Variants in KAZN observed in about 807,000 individuals in gnomAD.
KAZN encodes kazrin, periplakin interacting protein.
In KAZN, 40 loss-of-function variants were observed where a neutral mutation model predicts 87.4. The ratio of observed to expected loss-of-function variants is 0.46; its 90% CI spans 0.36 to 0.60. The LOEUF (loss-of-function observed/expected upper bound fraction) is 0.60, where lower values mean the gene tolerates loss of function less well. KAZN is among the 20% of genes least tolerant of loss of function. The pLI is 0.00. For missense variants in KAZN, 898 were observed against 1,073.9 expected (o/e 0.84, Z 2.29); for synonymous variants, 466 against 458.3 (o/e 1.02, Z -0.22).
chr1:13,944,311 T>A (rs1641052648), intron 1 of KAZN, among the ~76,000 whole-genome samples: 1 of 152,222 alleles, frequency 6.6e-6, no homozygotes, highest in African/African-American at 2.4e-5. Context: ...CTATGATATA[T>A]CCAGAAAAGG....
intron 8 of KAZN, among the ~76,000 whole-genome samples, chr1:15,072,265 C>G (rs576277920): frequency 6.6e-6 from 1 of 152,326 alleles, no homozygotes; most frequent in African/African-American, 2.4e-5. Flanking sequence ...ACATCTTGAG[C>G]CTGACAGTGC....
At chr1:14,037,651 G>A (rs1352445564) in intron 1 of KAZN, among the ~76,000 whole-genome samples, 3 of 152,204 alleles carry the variant, frequency 2.0e-5, no homozygotes, top group Non-Finnish European at 4.4e-5. Flanking sequence ...CTCCAGCACA[G>A]AAGCAGCTGT....
chr1:14,694,687 A>G (rs191801048), intron 1 of KAZN, among the ~76,000 whole-genome samples: 34 of 152,256 alleles, frequency 2.2e-4, no homozygotes, highest in Admixed American at 4.6e-4. Context: ...TGCTACTTAT[A>G]GGCTGGGCGA....
At chr1:15,026,224 C>T (rs966932954) in intron 2 of KAZN, among the ~76,000 whole-genome samples, 1 of 152,046 alleles carries the variant, frequency 6.6e-6, no homozygotes, top group Non-Finnish European at 1.5e-5. Context: ...CTGGGAGCCA[C>T]GGGGAGCTGG....
intron 2 of KAZN, among the ~76,000 whole-genome samples, chr1:14,570,640 C>T (rs940701342): frequency 3.9e-5 from 6 of 152,148 alleles, no homozygotes; most frequent in Non-Finnish European, 7.4e-5. Context: ...AGTTGATGAA[C>T]GTTTGGAATG....
At chr1:15,095,739 G>C (rs1186984759) in intron 10 of KAZN, among the ~76,000 whole-genome samples, 6 of 152,134 alleles carry the variant, frequency 3.9e-5, no homozygotes, top group Non-Finnish European at 8.8e-5. Flanking sequence ...AATCAAACCT[G>C]GTGGTGTGTG....
intron 2 of KAZN, among the ~76,000 whole-genome samples, chr1:14,300,009 T>C (rs1232879838): frequency 3.9e-5 from 6 of 151,980 alleles, no homozygotes; most frequent in Non-Finnish European, 8.8e-5. Flanking sequence ...AGGGGGAATA[T>C]TGGAGCTGAC....
intron 1 of KAZN, among the ~76,000 whole-genome samples, chr1:14,678,636 C>G (rs1478720678): frequency 6.6e-6 from 1 of 152,200 alleles, no homozygotes; most frequent in African/African-American, 2.4e-5. Context: ...TTAGCTCCAG[C>G]TCCCATGGGC....
At chr1:15,050,050 G>GTAGGGTAGGGTAGGGTAGGT (rs1557756615) in intron 4 of KAZN, among the ~76,000 whole-genome samples, 4 of 76,402 alleles carry the variant, frequency 5.2e-5, no homozygotes, top group Non-Finnish European at 9.4e-5. Context: ...GTAGGGTAGG[G>GTAGGGTAGGGTAGGGTAGGT]TAGGGTAGGG....
chr1:15,112,676 G>A (rs1641692117), intron 14 of KAZN, 135 bp downstream of exon 14: 3 of 628,468 alleles, frequency 4.8e-6, no homozygotes, highest in Non-Finnish European at 8.7e-6. Flanking sequence ...GGGCATCCAG[G>A]ACAGATGCCC....
intron 1 of KAZN, among the ~76,000 whole-genome samples, chr1:14,689,370 TC>T (rs893819731): frequency 5.3e-5 from 8 of 151,970 alleles, no homozygotes; most frequent in Middle Eastern, 3.2e-3. Context: ...GGCGTGAGGG[TC>T]TTTCTCCCAT....
rs1036167635 is a variant in KAZN, at chr1:14,052,964, G to A, written c.92-127471G>A. Among the ~76,000 whole-genome samples, 5 of 152,144 alleles carry A rather than the reference G, an allele frequency of 3.3e-5. No individual in the cohort carries two copies. In the East Asian group the frequency reaches 5.8e-4, roughly 18 times the overall value. ...CTAGGATGACCCGCAGGAGGTTTCCGGGCCCTGGTGTCTGTGCCCTTGTGT... is the reference window on the plus strand; with the variant it reads ...CTAGGATGACCCGCAGGAGGTTTCCAGGCCCTGGTGTCTGTGCCCTTGTGT... On this transcript the variant is annotated intron_variant, in intron 1 of 16. Transcript: ENST00000636203.
At chr1:14,348,435 T>G (rs1168387598) in intron 2 of KAZN, among the ~76,000 whole-genome samples, 1 of 152,220 alleles carries the variant, frequency 6.6e-6, no homozygotes, top group African/African-American at 2.4e-5. Flanking sequence ...CATAGGGATT[T>G]TGAGCCAAAG....
At chr1:14,788,435 G>GC (rs1216464774) in intron 1 of KAZN, among the ~76,000 whole-genome samples, 1 of 152,122 alleles carries the variant, frequency 6.6e-6, no homozygotes, top group African/African-American at 2.4e-5. Context: ...CTTCGGGGAA[G>GC]CCGGGGTGGG....
rs928720282 is a variant in KAZN, at chr1:14,419,996, T to G, written c.250-178987T>G. ...GCCACTCCCGGCTCCGGCAGCCTGC[T>G]TTTATTCCCTTATCTGGACCCACCC... On this transcript the variant is annotated intron_variant, in intron 2 of 16. Transcript: ENST00000636203. Among the ~76,000 whole-genome samples the G allele has an allele frequency of 3.3e-5, 5 of 152,198 alleles. No individual in the cohort carries two copies. The South Asian group carries it at 6.2e-4, about 19-fold the overall frequency.
rs565911539 is a variant in KAZN at position 14,321,643 on chromosome 1, A to G, written c.249+141051A>G. Among the ~76,000 whole-genome samples, 74 of 152,326 alleles carry G rather than the reference A, an allele frequency of 4.9e-4. 1 individual carries two copies. The highest frequency in any genetic ancestry group is 1.6e-3 in the African/African-American group (67 of 41,576). On this transcript the variant is annotated intron_variant, in intron 2 of 16. Coordinates refer to the KAZN transcript ENST00000636203. ...GATCAGAAAATGATCATTGTGTACT[A>G]TAAAAGCATCATTCATTTCCTATTA...
intron 2 of KAZN, among the ~76,000 whole-genome samples, chr1:14,565,062 A>G (rs1424964602): frequency 6.6e-6 from 1 of 152,218 alleles, no homozygotes; most frequent in African/African-American, 2.4e-5. Flanking sequence ...GTGTATAAAA[A>G]ATAAAGAACA....
intron 13 of KAZN, among the ~76,000 whole-genome samples, chr1:15,108,144 C>T (rs1641360425): frequency 6.6e-6 from 1 of 152,222 alleles, no homozygotes; most frequent in African/African-American, 2.4e-5. Context: ...ATGAGAGAAC[C>T]TTGTCACCTG....
In KAZN at chr1:13,994,300, G is replaced by T. The variant is rs140439585; in HGVS notation, c.91+100544G>T. Among the ~76,000 whole-genome samples, 774 of 152,324 alleles carry T rather than the reference G, an allele frequency of 5.1e-3. 1 individual carries two copies. The highest frequency in any genetic ancestry group is 0.016 in the African/African-American group (656 of 41,568). On this transcript the variant is annotated intron_variant, in intron 1 of 16. Coordinates refer to the KAZN transcript ENST00000636203. Reference sequence around the variant, plus strand: ...CAAAAGCATACCAACTGGCTTTTATGTTTTCAAACTCAGCAGAGCCAATGG... The same window carrying T: ...CAAAAGCATACCAACTGGCTTTTATTTTTTCAAACTCAGCAGAGCCAATGG...
Sources: gnomAD v4.1 joint callset for allele counts (sites outside exome capture counted in the v4.1 genomes callset) on GRCh38, gnomAD v4.1.1 for gene constraint, MANE v1.5 for transcripts, NCBI Gene and HGNC (gene_info 2026-07-23, HGNC 2026-07-21) for gene names.